DDX27: variants seen among roughly 807,000 people sequenced by gnomAD.
DDX27 encodes the protein DEAD-box helicase 27.
In DDX27, 42 loss-of-function variants were observed where a neutral mutation model predicts 99.3. The ratio of observed to expected loss-of-function variants is 0.42; its 90% CI spans 0.33 to 0.55. DDX27 has a LOEUF of 0.55. Among genes scored for constraint, DDX27 ranks in the 20% least tolerant of loss-of-function variants. The pLI, the probability that DDX27 is intolerant of heterozygous loss-of-function variation, is 0.07. For synonymous variants in DDX27, 329 were observed against 353.8 expected (o/e 0.93, Z 0.79); for missense variants, 798 against 976.8 (o/e 0.82, Z 2.44).
chr20:49,230,367 G>T lies in DDX27; in HGVS notation c.1031+18G>T, dbSNP rs1019447530. 4 of 1,598,294 alleles carry T rather than the reference G, an allele frequency of 2.5e-6. No individual in the cohort carries two copies. The highest frequency in any genetic ancestry group is 1.3e-5 in the African/African-American group (1 of 74,914). ...GCTGACAGGTGCTCCTCACAGCCTG[G>T]GGCCCAGGGCACTGTGGGGTTCCAA... On this transcript the variant is annotated intron_variant, in intron 9 of 20. Coordinates refer to ENST00000618172, the MANE Select transcript of DDX27 (RefSeq NM_017895.8).
Position 49,233,295 on chromosome 20 carries a change from T to A in DDX27, c.1032-11T>A. 6.2e-7 allele frequency: 1 copy of A among 1,611,496 alleles called. No homozygotes were observed. Among genetic ancestry groups the A allele is most frequent in the East Asian group, 2.2e-5 (1 of 44,858 alleles). ...TCTCTCCATTTCTGCCATGTCTTTC[T>A]CTGCTCCCAGGATGCTGGATGAGTA... On this transcript the variant is annotated splice_polypyrimidine_tract_variant and intron_variant, in intron 9 of 20. Coordinates refer to ENST00000618172, the MANE Select transcript of DDX27 (RefSeq NM_017895.8).
In DDX27 at chr20:49,224,719, T is replaced by C. The variant is rs1021726558; in HGVS notation, c.467-226T>C. 17 of 579,688 alleles carry C rather than the reference T, an allele frequency of 2.9e-5. No homozygotes were observed. The Admixed American group carries it at 3.0e-4, about 10-fold the overall frequency. 35.9% of individuals were successfully genotyped at this position (579,688 alleles called of 1,614,324 possible). ...AAAGCATCATAATACAGTGTAGTGG[T>C]CGAGAGCCTGGTCTCTGGACCAGAG... On this transcript the variant is annotated intron_variant, in intron 4 of 20. Transcript: ENST00000618172.
At chr20:49,222,100 G>C (rs913119736) in intron 2 of DDX27, among the ~76,000 whole-genome samples, 9 of 151,968 alleles carry the variant, frequency 5.9e-5, no homozygotes, top group Non-Finnish European at 1.0e-4. Context: ...AGGCTTTGCT[G>C]GTCCTTACTC....
rs1289111510 is a variant in DDX27 at position 49,241,992 on chromosome 20, G to T, written c.1992+5G>T. The T allele has an allele frequency of 1.2e-6, 2 of 1,613,782 alleles. No individual in the cohort carries two copies. Among genetic ancestry groups the T allele is most frequent in the African/African-American group, 2.7e-5 (2 of 74,900 alleles). On this transcript the variant is annotated splice_donor_5th_base_variant and intron_variant, in intron 17 of 20. Coordinates refer to ENST00000618172, the MANE Select transcript of DDX27 (RefSeq NM_017895.8). ...AAAAAAAAGGGGGAGATGACAGTGA[G>T]TGGCCTCCCTTTTGGAGTTTGGGCC...
At chr20:49,225,306 C>T in intron 6 of DDX27, 107 bp downstream of exon 6, 1 of 959,742 alleles carries the variant, frequency 1.0e-6, no homozygotes, top group African/African-American at 1.6e-5. Flanking sequence ...CCTCAACCTC[C>T]CAGAGTGCTG....
rs945835277 is a variant in DDX27, at chr20:49,238,607, A to T, written c.1688-342A>T. 1.2e-5 allele frequency: 3 copies of T among 253,762 alleles called. No individual in the cohort carries two copies. The Admixed American group carries it at 1.6e-4, about 13-fold the overall frequency. The allele number at this position is 253,762 out of a possible 1,614,324, so 15.7% of individuals were successfully genotyped here. A position where few individuals can be genotyped will look rare whatever the true frequency, so the allele number is the denominator to read the frequency against. ...AGCCTTCTGAGTAGTAGCTGGGATT[A>T]CAGGCGTGTGCCCCCACACCCAGCT... On this transcript the variant is annotated intron_variant, in intron 14 of 20. Transcript: ENST00000618172.
Position 49,236,307 on chromosome 20 carries a change from C to G in DDX27, c.1510-26C>G. On this transcript the variant is annotated intron_variant, in intron 13 of 20. Transcript: ENST00000618172. This position sits in a 1 kb window ranked among gnomAD's most constrained non-coding sequence, Gnocchi z 4.1. The stretch of plus-strand genomic sequence containing the variant: ...TTCGCACCCCCCTTCCCTTGCCAGG[C>G]CTGACGTTCATTTTTGACCTTCTAG... 1 of 1,568,354 alleles carries G rather than the reference C, an allele frequency of 6.4e-7. No individual in the cohort carries two copies.
chr20:49,232,240 C>T (rs1170597548), intron 9 of DDX27, among the ~76,000 whole-genome samples: 1 of 152,048 alleles, frequency 6.6e-6, no homozygotes, highest in Non-Finnish European at 1.5e-5. Flanking sequence ...GCTGCCCAGG[C>T]TGAGGGGGCT....
chr20:49,231,215 T>A (rs1040784712), intron 9 of DDX27: 3 of 152,574 alleles, frequency 2.0e-5, no homozygotes, highest in Admixed American at 6.5e-5. Flanking sequence ...GCATTGTCAC[T>A]GAGGGTTCAT....
chr20:49,226,020 C>T (rs1979874394), intron 6 of DDX27, among the ~76,000 whole-genome samples: 1 of 152,120 alleles, frequency 6.6e-6, no homozygotes, highest in Admixed American at 6.6e-5. Context: ...AAAACTCTTC[C>T]AGAAATCTTT....
In DDX27 at chr20:49,221,585, A is replaced by T; in HGVS notation, c.227A>T (p.Gln76Leu). The T allele has an allele frequency of 6.2e-7, 1 of 1,603,562 alleles. No individual in the cohort carries two copies. Among genetic ancestry groups the T allele is most frequent in the Non-Finnish European group, 8.5e-7 (1 of 1,174,562 alleles). ...GSWALADVMS[Q>L]LKKKRAATTL... ...TGGGCCCTGGCTGATGTCATGAGCC[A>T]ACTCAAGAAGAAGGTGAGACTGACA... The change falls in exon 2 of 21, where the codon CAA (glutamine) becomes CTA (leucine). Residue 76 changes from glutamine to leucine, a missense_variant. Gln to Leu is a moderately radical substitution (Grantham distance 113, BLOSUM62 -2). Around this residue, in one of 2 missense-constraint regions of DDX27, gnomAD observed 245 missense variants for 248.8 expected, o/e 0.98. Transcript: ENST00000618172.
Position 49,242,613 on chromosome 20 carries a change from G to T in DDX27, c.2136G>T (p.Gly712=), listed in dbSNP as rs778137591. 6.2e-7 allele frequency: 1 copy of T among 1,614,166 alleles called. No homozygotes were observed. Among genetic ancestry groups the T allele is most frequent in the Non-Finnish European group, 8.5e-7 (1 of 1,180,032 alleles). The stretch of plus-strand genomic sequence containing the variant: ...GCACAGCCAAGAAGCAAAAGCAGGG[G>T]AAGAAATCTGTATTTGATGAAGAAC... ...VRGPAKKQKQ[G]KKSVFDEELT... Residue 712 remains glycine, a synonymous_variant, in exon 19 of 21, where the codon GGG becomes GGT. Coordinates refer to ENST00000618172, the MANE Select transcript of DDX27 (RefSeq NM_017895.8).
Position 49,219,544 on chromosome 20 carries a change from A to G in DDX27, c.93+3A>G. The G allele has an allele frequency of 1.9e-6, 3 of 1,613,348 alleles. No individual in the cohort carries two copies. The highest frequency in any genetic ancestry group is 2.5e-6 in the Non-Finnish European group (3 of 1,179,586). Reference sequence around the variant, plus strand: ...ACTCCGGGGACGAGGAAGAGGAGGTATGAGCACGGTTCTGGTCTTTGGGTT... The same window carrying G: ...ACTCCGGGGACGAGGAAGAGGAGGTGTGAGCACGGTTCTGGTCTTTGGGTT... On this transcript the variant is annotated splice_donor_region_variant and intron_variant, in intron 1 of 20. Coordinates refer to ENST00000618172, the MANE Select transcript of DDX27 (RefSeq NM_017895.8).
intron 6 of DDX27, 141 bp from the exon 7 acceptor site, chr20:49,226,289 G>C (rs962063247): frequency 1.7e-6 from 1 of 585,368 alleles, no homozygotes; most frequent in South Asian, 2.3e-5. Context: ...CTCACACATA[G>C]TAGGCGTTCA....
At position 49,241,887 on chromosome 20, in the gene DDX27, T is replaced by C; in HGVS notation, c.1898-6T>C. 6.2e-7 allele frequency: 1 copy of C among 1,613,994 alleles called. No homozygotes were observed. The highest frequency in any genetic ancestry group is 8.5e-7 in the Non-Finnish European group (1 of 1,179,822). ...CCTGAAATCTTATGCTTTCTTCTCA[T>C]CCCAGTTGCCAAAGCTCTGCAGGAA... On this transcript the variant is annotated splice_polypyrimidine_tract_variant and splice_region_variant and intron_variant, in intron 16 of 20. Transcript: ENST00000618172.
At position 49,222,139 on chromosome 20, in the gene DDX27, C is replaced by CT. The variant is rs376285111; in HGVS notation, c.240+552dup. Among the ~76,000 whole-genome samples, 114 of 146,474 alleles carry CT rather than the reference C, an allele frequency of 7.8e-4. 1 individual carries two copies. The highest frequency in any genetic ancestry group is 7.7e-3 in the South Asian group (36 of 4,648). On this transcript the variant is annotated intron_variant, in intron 2 of 20. Coordinates refer to ENST00000618172, the MANE Select transcript of DDX27 (RefSeq NM_017895.8). ...TTGAAGTAAACCAGCATTGCCTTTT[C>CT]TTTTTTTTTTTGAGACAGAGTCTCT... is the stretch of plus-strand genomic sequence containing the variant.
At chr20:49,240,481 G>A (rs753595051) in intron 16 of DDX27, among the ~76,000 whole-genome samples, 2 of 152,108 alleles carry the variant, frequency 1.3e-5, no homozygotes, top group Non-Finnish European at 2.9e-5. Flanking sequence ...AGGCTGGAGT[G>A]CAGTGGCGCA....
intron 7 of DDX27, among the ~76,000 whole-genome samples, chr20:49,227,168 A>C (rs1979929850): frequency 6.6e-6 from 1 of 152,088 alleles, no homozygotes; most frequent in South Asian, 2.1e-4. Flanking sequence ...GGCCGAGAGT[A>C]AAGGACTTTT....
chr20:49,242,292 A>T, intron 18 of DDX27, 86 bp downstream of exon 18: 1 of 1,559,652 alleles, frequency 6.4e-7, no homozygotes, highest in South Asian at 1.2e-5. Flanking sequence ...CTGAGGGATG[A>T]TGACAGTAGC....
Sources: allele counts gnomAD v4.1 joint callset (sites outside exome capture counted in the v4.1 genomes callset), GRCh38; gene constraint gnomAD v4.1.1; regional missense constraint gnomAD v4.1.1; non-coding constraint Gnocchi (gnomAD v3.1); transcripts MANE v1.5; gene names NCBI Gene and HGNC (gene_info 2026-07-23, HGNC 2026-07-21).